LOC128462377: variants seen among roughly 807,000 people sequenced by gnomAD.
the LOC128462377 span, among the ~76,000 whole-genome samples, chr16:89,344,565 C>T: frequency 6.6e-6 from 1 of 152,234 alleles, no homozygotes; most frequent in Admixed American, 6.5e-5. Context: ...TGTCTGAACG[C>T]TGCCTCAGCG....
the LOC128462377 span, among the ~76,000 whole-genome samples, chr16:89,403,321 C>T: frequency 1.3e-5 from 2 of 152,138 alleles, no homozygotes; most frequent in African/African-American, 2.4e-5. Flanking sequence ...CCCTCCTGAC[C>T]GGCCCCTCCT....
the LOC128462377 span, among the ~76,000 whole-genome samples, chr16:89,344,012 C>T: frequency 2.0e-5 from 3 of 152,282 alleles, no homozygotes; most frequent in South Asian, 4.1e-4. Flanking sequence ...ACATAAATAT[C>T]GGTGCAGGCG....
chr16:89,389,074 G>T, the LOC128462377 span, among the ~76,000 whole-genome samples: 1 of 152,178 alleles, frequency 6.6e-6, no homozygotes, highest in Non-Finnish European at 1.5e-5. Context: ...GACAGCAATG[G>T]ATTACAGTGC....
At chr16:89,352,519 C>A in the LOC128462377 span, among the ~76,000 whole-genome samples, 1 of 152,188 alleles carries the variant, frequency 6.6e-6, no homozygotes, top group Non-Finnish European at 1.5e-5. Flanking sequence ...CTGGCAAGCT[C>A]AACACAGTGA....
chr16:89,368,202 C>CT, the LOC128462377 span, among the ~76,000 whole-genome samples: 359 of 144,690 alleles, frequency 2.5e-3, 2 homozygotes, highest in African/African-American at 6.2e-3. Flanking sequence ...TGTTTTCGAG[C>CT]TTTTTTTTTT....
the LOC128462377 span, among the ~76,000 whole-genome samples, chr16:89,325,441 TCC>T: frequency 7.1e-5 from 9 of 127,494 alleles, no homozygotes; most frequent in South Asian, 1.8e-3. Flanking sequence ...CTCTCCCCTC[TCC>T]CCTCTCCTCT....
the LOC128462377 span, among the ~76,000 whole-genome samples, chr16:89,365,174 A>G: frequency 2.0e-5 from 3 of 152,182 alleles, no homozygotes; most frequent in African/African-American, 7.2e-5. Flanking sequence ...TCTTTCAACA[A>G]TCCTGTCCAG....
At chr16:89,356,207 C>G in the LOC128462377 span, among the ~76,000 whole-genome samples, 2 of 152,278 alleles carry the variant, frequency 1.3e-5, no homozygotes, top group Admixed American at 1.3e-4. Flanking sequence ...TTATAGGTTA[C>G]AAACAATGAA....
chr16:89,356,221 T>C, the LOC128462377 span, among the ~76,000 whole-genome samples: 1 of 152,202 alleles, frequency 6.6e-6, no homozygotes, highest in Non-Finnish European at 1.5e-5. Context: ...CAATGAACTA[T>C]TGTGGGTTTT....
At chr16:89,408,088 A>C in the LOC128462377 span, among the ~76,000 whole-genome samples, 2 of 152,164 alleles carry the variant, frequency 1.3e-5, no homozygotes, top group Non-Finnish European at 2.9e-5. Flanking sequence ...AAGCCACTGC[A>C]CATGTGTGAC....
the LOC128462377 span, among the ~76,000 whole-genome samples, chr16:89,336,869 T>A: frequency 2.6e-5 from 4 of 152,092 alleles, no homozygotes; most frequent in Non-Finnish European, 4.4e-5. Context: ...CTCACGCCTG[T>A]AATCCCAGCA....
At chr16:89,353,350 A>AGAG in the LOC128462377 span, among the ~76,000 whole-genome samples, 4 of 149,558 alleles carry the variant, frequency 2.7e-5, no homozygotes, top group African/African-American at 9.9e-5. Flanking sequence ...TCCAAAAAAA[A>AGAG]AGAGAGAGAG....
chr16:89,335,873 G>A, the LOC128462377 span, among the ~76,000 whole-genome samples: 1 of 152,164 alleles, frequency 6.6e-6, no homozygotes, highest in African/African-American at 2.4e-5. Flanking sequence ...TAGGAGAAAC[G>A]CAGGGCAGGA....
the LOC128462377 span, among the ~76,000 whole-genome samples, chr16:89,374,516 T>C: frequency 6.6e-6 from 1 of 152,180 alleles, no homozygotes; most frequent in Non-Finnish European, 1.5e-5. Context: ...TGTGAGAGAA[T>C]TCAGAGCCGA....
the LOC128462377 span, among the ~76,000 whole-genome samples, chr16:89,338,465 C>A: frequency 1.3e-5 from 2 of 149,140 alleles, no homozygotes; most frequent in African/African-American, 4.9e-5. Flanking sequence ...CTGTGGCTCA[C>A]ACCTGTGTAA....
the LOC128462377 span, among the ~76,000 whole-genome samples, chr16:89,359,983 G>A: frequency 5.1e-4 from 78 of 152,110 alleles, no homozygotes; most frequent in African/African-American, 1.8e-3. Context: ...GGGGGAGGTT[G>A]TACGTGTTAT....
the LOC128462377 span, among the ~76,000 whole-genome samples, chr16:89,358,956 GC>G: frequency 6.6e-6 from 1 of 152,112 alleles, no homozygotes; most frequent in East Asian, 1.9e-4. Context: ...CTCCAGAGCA[GC>G]TGGGACCACA....
At chr16:89,377,488 TG>T in the LOC128462377 span, among the ~76,000 whole-genome samples, 3 of 92,662 alleles carry the variant, frequency 3.2e-5, no homozygotes, top group Non-Finnish European at 6.7e-5. Flanking sequence ...GCAGGAGGGC[TG>T]GGGGGCGGGG....
At chr16:89,398,228 A>C in the LOC128462377 span, among the ~76,000 whole-genome samples, 1 of 151,510 alleles carries the variant, frequency 6.6e-6, no homozygotes, top group South Asian at 2.1e-4. Flanking sequence ...TGACCTCAGC[A>C]CTCTGGGAGG....
Sources: allele counts gnomAD v4.1 joint callset (sites outside exome capture counted in the v4.1 genomes callset), GRCh38; gene constraint gnomAD v4.1.1; transcripts MANE v1.5.